Variants in MGAT4C observed in about 807,000 individuals in gnomAD.
The protein encoded by MGAT4C is alpha-1,3-mannosyl-glycoprotein 4-beta-N-acetylglucosaminyltransferase C.
MGAT4C carries 19 observed loss-of-function variants against 40.1 expected under a neutral mutation model. That is an observed-to-expected ratio of 0.47 (90% CI 0.33 to 0.70). The LOEUF (loss-of-function observed/expected upper bound fraction) is 0.70. Among genes scored for constraint, MGAT4C ranks in the 30% least tolerant of loss-of-function variants. The pLI, the probability that MGAT4C is intolerant of heterozygous loss-of-function variation, is 0.02. For synonymous variants in MGAT4C, 181 were observed against 187.1 expected (o/e 0.97, Z 0.27); for missense variants, 491 against 563.2 (o/e 0.87, Z 1.30).
chr12:86,368,711 G>C (rs1287777556), intron 3 of MGAT4C, among the ~76,000 whole-genome samples: 3 of 151,706 alleles, frequency 2.0e-5, no homozygotes, highest in Non-Finnish European at 2.9e-5. Flanking sequence ...TCTTCTTATT[G>C]ATTTCTAGTT....
intron 2 of MGAT4C, among the ~76,000 whole-genome samples, chr12:86,594,056 G>A (rs1392659372): frequency 6.6e-6 from 1 of 152,148 alleles, no homozygotes; most frequent in Non-Finnish European, 1.5e-5. Context: ...GGCGGTTAGG[G>A]TTCCAGTATA....
At chr12:86,714,727 A>C (rs1271862498) in intron 2 of MGAT4C, among the ~76,000 whole-genome samples, 1 of 151,626 alleles carries the variant, frequency 6.6e-6, no homozygotes, top group Non-Finnish European at 1.5e-5. Flanking sequence ...CAGTAGTGTG[A>C]AAATGGAATA....
intron 3 of MGAT4C, among the ~76,000 whole-genome samples, chr12:86,394,404 T>C (rs1956209301): frequency 6.6e-6 from 1 of 150,736 alleles, no homozygotes; most frequent in East Asian, 1.9e-4. Flanking sequence ...GCTCCATTGA[T>C]ATTAGTCCAC....
At chr12:86,612,730 ACT>A (rs1395365440) in intron 2 of MGAT4C, among the ~76,000 whole-genome samples, 1 of 135,702 alleles carries the variant, frequency 7.4e-6, no homozygotes, top group South Asian at 2.3e-4. Context: ...ACAGAGTGAG[ACT>A]CTGTCTCAAA....
chr12:86,478,871 A>G (rs1281806204), intron 2 of MGAT4C, among the ~76,000 whole-genome samples: 1 of 152,068 alleles, frequency 6.6e-6, no homozygotes, highest in Non-Finnish European at 1.5e-5. Flanking sequence ...AAAGAATAAA[A>G]CCCAGAATGT....
chr12:86,687,374 G>A (rs1950092541), intron 2 of MGAT4C, among the ~76,000 whole-genome samples: 1 of 152,020 alleles, frequency 6.6e-6, no homozygotes, highest in South Asian at 2.1e-4. Context: ...CTTGTCTTCT[G>A]CTAGCTTTTG....
intron 2 of MGAT4C, among the ~76,000 whole-genome samples, chr12:86,474,875 T>C (rs1183479524): frequency 6.6e-6 from 1 of 152,078 alleles, no homozygotes; most frequent in East Asian, 1.9e-4. Flanking sequence ...AGCAAATAAA[T>C]AGGTTCTTTA....
At chr12:85,991,294 C>A (rs564232045) in intron 2 of MGAT4C, among the ~76,000 whole-genome samples, 1 of 152,276 alleles carries the variant, frequency 6.6e-6, no homozygotes, top group Admixed American at 6.5e-5. Context: ...GAACACGGGG[C>A]TTTTATGGGC....
intron 2 of MGAT4C, among the ~76,000 whole-genome samples, chr12:86,446,326 T>C (rs1446043518): frequency 6.6e-6 from 1 of 151,972 alleles, no homozygotes; most frequent in Non-Finnish European, 1.5e-5. Flanking sequence ...CCAGGAAAGC[T>C]GCTCCAATTG....
chr12:86,387,294 A>G (rs950798015), intron 3 of MGAT4C, among the ~76,000 whole-genome samples: 1 of 152,212 alleles, frequency 6.6e-6, no homozygotes, highest in African/African-American at 2.4e-5. Context: ...AGATTCATGT[A>G]TAATATTTGA....
At chr12:86,646,585 A>T (rs1486775834) in intron 2 of MGAT4C, among the ~76,000 whole-genome samples, 1 of 151,902 alleles carries the variant, frequency 6.6e-6, no homozygotes, top group East Asian at 1.9e-4. Flanking sequence ...GTCACATTTT[A>T]TGCGGCCCTG....
At chr12:86,395,639 G>A (rs754012075) in intron 3 of MGAT4C, among the ~76,000 whole-genome samples, 1 of 152,188 alleles carries the variant, frequency 6.6e-6, no homozygotes, top group African/African-American at 2.4e-5. Flanking sequence ...CTGAGCTTTT[G>A]TATTTTAAAA....
At chr12:86,024,451 G>A (rs1890068181) in intron 2 of MGAT4C, among the ~76,000 whole-genome samples, 1 of 151,760 alleles carries the variant, frequency 6.6e-6, no homozygotes, top group African/African-American at 2.4e-5. Flanking sequence ...TGTCTTCTAA[G>A]CCTAACAGGG....
chr12:86,014,470 A>G (rs958372173), intron 2 of MGAT4C, among the ~76,000 whole-genome samples: 7 of 152,130 alleles, frequency 4.6e-5, no homozygotes, highest in Admixed American at 3.3e-4. Flanking sequence ...TGCGATGTGA[A>G]TCAAGAAGGC....
chr12:86,365,156 C>G (rs1955564136), intron 3 of MGAT4C, among the ~76,000 whole-genome samples: 1 of 152,168 alleles, frequency 6.6e-6, no homozygotes, highest in Admixed American at 6.5e-5. Flanking sequence ...TTCTCTTTCT[C>G]AGGGATGTTC....
Position 85,971,504 on chromosome 12 carries a change from T to C in MGAT4C, c.*7785A>G, listed in dbSNP as rs1212902197. ...TGCCCAAATCAATTCAAACATCTCATTGTAGTTCATCCCATGGCAGAAAAG... is the reference window on the plus strand; with the variant it reads ...TGCCCAAATCAATTCAAACATCTCACTGTAGTTCATCCCATGGCAGAAAAG... On this transcript the variant is annotated 3_prime_UTR_variant, in exon 5 of 5. Transcript: ENST00000611864. 7 of 151,310 alleles carry C rather than the reference T, an allele frequency of 4.6e-5. No homozygotes were observed. Among genetic ancestry groups the C allele is most frequent in the African/African-American group, 1.7e-4 (7 of 41,374 alleles). The allele number at this position is 151,310 out of a possible 1,614,324, so 9.4% of individuals were successfully genotyped here.
At chr12:86,403,196 T>C (rs186219310) in intron 3 of MGAT4C, among the ~76,000 whole-genome samples, 3 of 152,326 alleles carry the variant, frequency 2.0e-5, no homozygotes, top group Admixed American at 2.0e-4. Flanking sequence ...ACATAAATGG[T>C]AAAGCTTACC....
intron 2 of MGAT4C, among the ~76,000 whole-genome samples, chr12:86,667,419 T>C (rs559731098): frequency 3.9e-5 from 6 of 152,262 alleles, no homozygotes; most frequent in Non-Finnish European, 8.8e-5. Context: ...CAGACCTAGA[T>C]GGAAAATCCT....
intron 2 of MGAT4C, among the ~76,000 whole-genome samples, chr12:86,452,198 T>TC (rs1239345970): frequency 3.4e-5 from 5 of 148,338 alleles, no homozygotes; most frequent in African/African-American, 1.2e-4. Flanking sequence ...TTTTTTTTTC[T>TC]TTTTTTTTTA....
Sources: gnomAD v4.1 joint callset for allele counts (sites outside exome capture counted in the v4.1 genomes callset) on GRCh38, gnomAD v4.1.1 for gene constraint, MANE v1.5 for transcripts, NCBI Gene and HGNC (gene_info 2026-07-23, HGNC 2026-07-21) for gene names.